The following PRSS23 variants were observed in gnomAD, a reference collection of about 807,000 sequenced individuals.
PRSS23 encodes protease, serine 23.
In PRSS23, 25 loss-of-function variants were observed where a neutral mutation model predicts 34.7. The ratio of observed to expected loss-of-function variants is 0.72; its 90% CI spans 0.53 to 1.01. The LOEUF (loss-of-function observed/expected upper bound fraction) is 1.01. Ranked by LOEUF, PRSS23 falls within the 50% of genes least tolerant of loss-of-function variation. The pLI is 0.00. For synonymous variants in PRSS23, 176 were observed against 186.6 expected (o/e 0.94, Z 0.46); for missense variants, 445 against 475.6 (o/e 0.94, Z 0.60).
At chr11:86,832,026 A>G (rs1476786527) in intron 2 of PRSS23, among the ~76,000 whole-genome samples, 2 of 151,688 alleles carry the variant, frequency 1.3e-5, no homozygotes, top group Admixed American at 6.6e-5. Context: ...GATATTACTC[A>G]TAATATCCGA....
In PRSS23 at chr11:86,830,473, G is replaced by C. The variant is rs1360250222; in HGVS notation, c.206+6880G>C. Among the ~76,000 whole-genome samples the C allele has an allele frequency of 6.6e-5, 10 of 152,292 alleles. 1 individual carries two copies. The East Asian group carries it at 1.2e-3, about 18-fold the overall frequency. ...TGAGGCAGTGCCTCGCCCTGCTTCA[G>C]CTCGCACATGGTGCACTGCACCCAC... On this transcript the variant is annotated intron_variant, in intron 2 of 2. Coordinates refer to the PRSS23 transcript ENST00000533902.
At chr11:86,948,453 T>C (rs1275341747) in intron 2 of PRSS23, 1 of 152,228 alleles carries the variant, frequency 6.6e-6, no homozygotes, top group Non-Finnish European at 1.5e-5. Context: ...CACTGGTAAC[T>C]GACCCCTCAG....
At chr11:86,795,137 AAC>A (rs772046236) in intron 1 of PRSS23, among the ~76,000 whole-genome samples, 34 of 152,194 alleles carry the variant, frequency 2.2e-4, no homozygotes, top group Non-Finnish European at 3.4e-4. Context: ...TGGATAATAT[AAC>A]AGTTTGATTT....
intron 2 of PRSS23, among the ~76,000 whole-genome samples, chr11:86,839,068 A>AAC (rs397934782): frequency 1.3e-5 from 2 of 151,012 alleles, no homozygotes; most frequent in Non-Finnish European, 3.0e-5. Flanking sequence ...AAAAAAAAAA[A>AAC]CAACAGAGCG....
intron 2 of PRSS23, among the ~76,000 whole-genome samples, chr11:86,843,578 A>C (rs1359282977): frequency 6.6e-6 from 1 of 152,220 alleles, no homozygotes; most frequent in Admixed American, 6.5e-5. Flanking sequence ...TTTACAAGAA[A>C]AAAAGCCCCA....
At chr11:86,816,077 C>A (rs1437893110), downstream of PRSS23, among the ~76,000 whole-genome samples, 2 of 151,904 alleles carry the variant, frequency 1.3e-5, no homozygotes, top group African/African-American at 4.8e-5. Flanking sequence ...TCAGATTTAT[C>A]CCCCATTGCT....
chr11:86,821,821 T>G (rs1948254503), intron 1 of PRSS23: 2 of 677,852 alleles, frequency 3.0e-6, no homozygotes, highest in Non-Finnish European at 5.0e-6. Flanking sequence ...GACCATAGTG[T>G]CAGCGTCTGG....
chr11:86,891,495 T>C (rs1262434916), intron 2 of PRSS23, among the ~76,000 whole-genome samples: 1 of 152,206 alleles, frequency 6.6e-6, no homozygotes, highest in Non-Finnish European at 1.5e-5. Flanking sequence ...ACAGCTATCC[T>C]GGATTCCTGA....
In PRSS23 at chr11:86,794,294, C is replaced by T. The variant is rs183693605; in HGVS notation, c.-14+3099C>T. The stretch of plus-strand genomic sequence containing the variant: ...ATCCAGTATGCAAGTTAGAGTAGAT[C>T]AGAGAAGCCCCATGCTGGCCACTTC... On this transcript the variant is annotated intron_variant, in intron 1 of 1. Transcript: ENST00000527521. Among the ~76,000 whole-genome samples, 7 of 152,138 alleles carry T rather than the reference C, an allele frequency of 4.6e-5. No individual in the cohort carries two copies. The East Asian group carries it at 1.4e-3, about 29-fold the overall frequency.
chr11:86,832,865 A>G (rs868456872), intron 2 of PRSS23: 17 of 320,918 alleles, frequency 5.3e-5, no homozygotes, highest in African/African-American at 3.7e-4. Flanking sequence ...ATACATGACT[A>G]TGTTATTGGT....
At chr11:86,933,033 G>C (rs1181120224) in intron 2 of PRSS23, 1 of 152,260 alleles carries the variant, frequency 6.6e-6, no homozygotes, top group East Asian at 1.9e-4. Context: ...AGCCCACCAA[G>C]TGGTCTTTCC....
At chr11:86,887,765 A>G (rs1375798742) in intron 2 of PRSS23, among the ~76,000 whole-genome samples, 1 of 152,076 alleles carries the variant, frequency 6.6e-6, no homozygotes, top group Non-Finnish European at 1.5e-5. Flanking sequence ...ATATTACACA[A>G]TGTTGGCTGG....
chr11:86,819,062 C>T (rs771012303), intron 1 of PRSS23, among the ~76,000 whole-genome samples: 2 of 152,122 alleles, frequency 1.3e-5, no homozygotes, highest in African/African-American at 2.4e-5. Flanking sequence ...TGCTGCTGGG[C>T]GGGAGTCCCA....
chr11:86,905,509 C>T (rs1948936295), intron 2 of PRSS23, among the ~76,000 whole-genome samples: 1 of 152,148 alleles, frequency 6.6e-6, no homozygotes, highest in Non-Finnish European at 1.5e-5. Flanking sequence ...AGCTAAAAAC[C>T]TCACTCCTTT....
chr11:86,855,172 A>T (rs1435792030), intron 2 of PRSS23, among the ~76,000 whole-genome samples: 4 of 115,206 alleles, frequency 3.5e-5, no homozygotes, highest in African/African-American at 1.1e-4. Context: ...ACCTCAATTA[A>T]AAAAAAAAAA....
chr11:86,894,791 G>A (rs961983997), intron 2 of PRSS23, among the ~76,000 whole-genome samples: 4 of 152,136 alleles, frequency 2.6e-5, no homozygotes, highest in African/African-American at 9.7e-5. Context: ...AAACTCTCAT[G>A]TCCCTTGATG....
intron 2 of PRSS23, among the ~76,000 whole-genome samples, chr11:86,894,170 C>T (rs761818508): frequency 5.9e-5 from 9 of 152,232 alleles, no homozygotes; most frequent in South Asian, 2.1e-4. Flanking sequence ...TGTGCCACCA[C>T]GCCTGGCTAA....
At chr11:86,864,752 T>C (rs1307529794) in intron 2 of PRSS23, among the ~76,000 whole-genome samples, 1 of 152,244 alleles carries the variant, frequency 6.6e-6, no homozygotes, top group Non-Finnish European at 1.5e-5. Context: ...CAGAGCTGTC[T>C]TGTTTCTGGA....
At chr11:86,913,989 GAGGTC>G (rs1948995055) in intron 2 of PRSS23, among the ~76,000 whole-genome samples, 2 of 146,588 alleles carry the variant, frequency 1.4e-5, no homozygotes, top group South Asian at 4.2e-4. Flanking sequence ...TGGATCACCT[GAGGTC>G]AGGAGTTTGA....
Sources: gnomAD v4.1 joint callset for allele counts (sites outside exome capture counted in the v4.1 genomes callset) on GRCh38, gnomAD v4.1.1 for gene constraint, MANE v1.5 for transcripts, NCBI Gene and HGNC (gene_info 2026-07-23, HGNC 2026-07-21) for gene names.